Variants in SYT13 observed in about 807,000 individuals in gnomAD.
SYT13 encodes synaptotagmin 13, also known as synaptotagmin-13.
A neutral mutation model predicts 38.6 loss-of-function variants in SYT13; 21 were observed. The ratio of observed to expected loss-of-function variants is 0.54; its 90% CI spans 0.39 to 0.78. The LOEUF (loss-of-function observed/expected upper bound fraction) is 0.78. Among genes scored for constraint, SYT13 ranks in the 30% least tolerant of loss-of-function variants. The probability of loss-of-function intolerance (pLI) is 0.00; values close to 1 mark genes in which losing one functional copy is unlikely to be tolerated. For synonymous variants in SYT13, 241 were observed against 237.6 expected (o/e 1.01, Z -0.13); for missense variants, 495 against 548.7 (o/e 0.90, Z 0.98).
At chr11:45,271,782 G>C (rs1341775242) in intron 1 of SYT13, among the ~76,000 whole-genome samples, 1 of 152,124 alleles carries the variant, frequency 6.6e-6, no homozygotes. Flanking sequence ...CCCAGGTTGG[G>C]GGAACCATGT....
chr11:45,270,274 A>G (rs1177541482), intron 1 of SYT13, among the ~76,000 whole-genome samples: 5 of 152,230 alleles, frequency 3.3e-5, no homozygotes, highest in Non-Finnish European at 7.3e-5. Context: ...CAATTGTTTA[A>G]TATTGGTTCA....
intron 4 of SYT13, among the ~76,000 whole-genome samples, chr11:45,248,634 C>T (rs1220755706): frequency 6.6e-6 from 1 of 152,198 alleles, no homozygotes; most frequent in African/African-American, 2.4e-5. Flanking sequence ...GGACTTGTAC[C>T]AGGCACCCAG....
chr11:45,241,123 T>C lies in SYT13; in HGVS notation c.*2929A>G, dbSNP rs983775572. 2 of 152,222 alleles carry C rather than the reference T, an allele frequency of 1.3e-5. No individual in the cohort carries two copies. Among genetic ancestry groups the C allele is most frequent in the African/African-American group, 4.8e-5 (2 of 41,458 alleles). The allele number at this position is 152,222 out of a possible 1,614,324, so 9.4% of individuals were successfully genotyped here. On this transcript the variant is annotated 3_prime_UTR_variant, in exon 6 of 6. Coordinates refer to ENST00000020926, the MANE Select transcript of SYT13 (RefSeq NM_020826.3). ...GAGCAATGAGTTGCCATTAGGCAAA[T>C]AGTAATACTCATTGTCATGAATTTC...
chr11:45,265,017 A>C (rs1331864335), intron 1 of SYT13, among the ~76,000 whole-genome samples: 2 of 152,258 alleles, frequency 1.3e-5, no homozygotes, highest in Non-Finnish European at 2.9e-5. Context: ...GGAAAACATG[A>C]ATCTGCAAGA....
chr11:45,251,409 A>AG (rs1554979865), intron 4 of SYT13, among the ~76,000 whole-genome samples: 1 of 151,414 alleles, frequency 6.6e-6, no homozygotes. Flanking sequence ...AAAAAAAAAA[A>AG]ATAGTGCCCT....
chr11:45,263,536 G>T lies in SYT13; in HGVS notation c.184-7645C>A, dbSNP rs375185852. Among the ~76,000 whole-genome samples the T allele has an allele frequency of 3.9e-5, 6 of 152,256 alleles. No individual in the cohort carries two copies. In the East Asian group the frequency reaches 1.2e-3, roughly 29 times the overall value. ...TCCTTAAACTTGAACTTTAAAAAAGGGGAGGGCAGAGAAGAAGCATCCAGT... is the reference window on the plus strand; with the variant it reads ...TCCTTAAACTTGAACTTTAAAAAAGTGGAGGGCAGAGAAGAAGCATCCAGT... On this transcript the variant is annotated intron_variant, in intron 1 of 5. Transcript: ENST00000020926.
intron 4 of SYT13, among the ~76,000 whole-genome samples, chr11:45,246,817 G>C (rs1270441420): frequency 6.6e-6 from 1 of 152,160 alleles, no homozygotes; most frequent in East Asian, 1.9e-4. Flanking sequence ...CAGCAGCGGG[G>C]AGGAGGCCAG....
At chr11:45,258,684 T>C (rs1007223058) in intron 1 of SYT13, among the ~76,000 whole-genome samples, 2 of 151,914 alleles carry the variant, frequency 1.3e-5, no homozygotes, top group African/African-American at 4.8e-5. Flanking sequence ...CAATCAGGGG[T>C]GCCTGGGAGG....
At position 45,275,645 on chromosome 11, in the gene SYT13, G is replaced by T. The variant is rs150828960; in HGVS notation, c.183+10380C>A. ...GCAATTACAGCACCCTTTATCTAAT[G>T]AATTGGGACTTATTGAACTCCTCCT... On this transcript the variant is annotated intron_variant, in intron 1 of 5. Coordinates refer to ENST00000020926, the MANE Select transcript of SYT13 (RefSeq NM_020826.3). Among the ~76,000 whole-genome samples, 357 of 152,276 alleles carry T rather than the reference G, an allele frequency of 2.3e-3. 5 individuals carry two copies. The highest frequency in any genetic ancestry group is 0.015 in the East Asian group (80 of 5,182).
At chr11:45,276,030 C>T (rs1231747954) in intron 1 of SYT13, among the ~76,000 whole-genome samples, 1 of 152,102 alleles carries the variant, frequency 6.6e-6, no homozygotes, top group Non-Finnish European at 1.5e-5. Flanking sequence ...AATAGTTGCT[C>T]AATACAGACA....
Position 45,263,052 on chromosome 11 carries a change from A to G in SYT13, c.184-7161T>C, listed in dbSNP as rs567690830. On this transcript the variant is annotated intron_variant, in intron 1 of 5. Coordinates refer to ENST00000020926, the MANE Select transcript of SYT13 (RefSeq NM_020826.3). ...CCCTGTGCTTGTCCTCTCTCCTCCC[A>G]GGCCCTGCCCACCATTCCCTGGCTC... Among the ~76,000 whole-genome samples the G allele has an allele frequency of 2.6e-5, 4 of 152,218 alleles. No homozygotes were observed. The South Asian group carries it at 8.3e-4, about 32-fold the overall frequency.
At chr11:45,246,191 T>C (rs952296684) in intron 5 of SYT13, among the ~76,000 whole-genome samples, 192 bp downstream of exon 5, 2 of 152,166 alleles carry the variant, frequency 1.3e-5, no homozygotes, top group African/African-American at 2.4e-5. Context: ...TGGGAACTCA[T>C]AGAAGTGAGT....
chr11:45,244,337 G>A lies in SYT13; in HGVS notation c.996C>T (p.Thr332=), dbSNP rs2135883197. The stretch of plus-strand genomic sequence containing the variant: ...TCAGCTTCCGAGCCTGGTGCTTCAA[G>A]GTCACCTTGACAGAGACATCTGGGG... ...LLGKDVSVKV[T]LKHQARKLKK... Residue 332 remains threonine (T), a synonymous_variant, in exon 6 of 6, where the codon ACC becomes ACT. Coordinates refer to ENST00000020926, the MANE Select transcript of SYT13 (RefSeq NM_020826.3). 1.2e-6 allele frequency: 2 copies of A among 1,613,536 alleles called. No homozygotes were observed. Among genetic ancestry groups the A allele is most frequent in the East Asian group, 4.5e-5 (2 of 44,872 alleles).
At chr11:45,253,048 GC>G (rs1854698752) in intron 3 of SYT13, among the ~76,000 whole-genome samples, 2 of 152,174 alleles carry the variant, frequency 1.3e-5, no homozygotes, top group Admixed American at 1.3e-4. Context: ...TATTAGTGGT[GC>G]TGCTGACATG....
intron 1 of SYT13, among the ~76,000 whole-genome samples, chr11:45,265,747 G>A (rs532043873): frequency 6.6e-6 from 1 of 152,158 alleles, no homozygotes; most frequent in East Asian, 1.9e-4. Context: ...ATAGCCTTTG[G>A]GGTGAGAATT....
At position 45,252,389 on chromosome 11, in the gene SYT13, GT is replaced by G. The variant is rs774132105; in HGVS notation, c.846+31del. ...CTGCCATCCCATGCTGCACGGGCAG[GT>G]TTTACCTTTCTAACCCAGGGGTTAC... On this transcript the variant is annotated intron_variant, in intron 4 of 5. Transcript: ENST00000020926. This position sits in a 1 kb window ranked among gnomAD's most constrained non-coding sequence, Gnocchi z 4.3. 4 of 1,532,628 alleles carry G rather than the reference GT, an allele frequency of 2.6e-6. No homozygotes were observed. In the East Asian group the frequency reaches 9.1e-5, roughly 35 times the overall value. 94.9% of individuals were successfully genotyped at this position (1,532,628 alleles called of 1,614,324 possible). A position where few individuals can be genotyped will look rare whatever the true frequency, so the allele number is the denominator to read the frequency against.
In SYT13 at chr11:45,252,608, G is replaced by A. The variant is rs1044307836; in HGVS notation, c.659C>T (p.Thr220Ile). The A allele has an allele frequency of 1.9e-5, 30 of 1,614,162 alleles. No individual in the cohort carries two copies. The highest frequency in any genetic ancestry group is 2.2e-5 in the Non-Finnish European group (26 of 1,180,004). Reference protein sequence around the residue: ...TALKKRQLHTTWEEGLVLPLA... With the variant: ...TALKKRQLHTIWEEGLVLPLA... Reference sequence around the variant, plus strand: ...GGGGAGCACCAGGCCCTCCTCCCAGGTGGTGTGCAGCTGCCGCTTCTTTAG... The same window carrying A: ...GGGGAGCACCAGGCCCTCCTCCCAGATGGTGTGCAGCTGCCGCTTCTTTAG... Residue 220 changes from threonine (T) to isoleucine (I), a missense_variant, in exon 4 of 6, where the codon ACC (threonine) becomes ATC (isoleucine). Coordinates refer to ENST00000020926, the MANE Select transcript of SYT13 (RefSeq NM_020826.3). The surrounding 1 kb of genome is among the most constrained non-coding windows in gnomAD (Gnocchi z 4.3).
intron 1 of SYT13, among the ~76,000 whole-genome samples, chr11:45,259,054 G>A: frequency 6.6e-6 from 1 of 152,020 alleles, no homozygotes; most frequent in East Asian, 1.9e-4. Context: ...CCATTGCCCT[G>A]CAGCTGCTTC....
chr11:45,250,685 T>C (rs1248647357), intron 4 of SYT13, among the ~76,000 whole-genome samples: 1 of 152,140 alleles, frequency 6.6e-6, no homozygotes, highest in East Asian at 1.9e-4. Flanking sequence ...CTGAGTTCCA[T>C]CTGAGAGTGG....
Sources: allele counts gnomAD v4.1 joint callset (sites outside exome capture counted in the v4.1 genomes callset), GRCh38; gene constraint gnomAD v4.1.1; non-coding constraint Gnocchi (gnomAD v3.1); transcripts MANE v1.5; gene names NCBI Gene and HGNC (gene_info 2026-07-23, HGNC 2026-07-21).